SAMD13: variants seen among roughly 807,000 people sequenced by gnomAD.
The protein encoded by SAMD13 is sterile alpha motif domain containing 13.
In SAMD13, 9 loss-of-function variants were observed where a neutral mutation model predicts 12.4. The observed-to-expected ratio is 0.72, with a 90% confidence interval of 0.44 to 1.26. SAMD13 has a LOEUF of 1.26. SAMD13 is among the 50% of genes most tolerant of loss of function. The pLI, the probability that SAMD13 is intolerant of heterozygous loss-of-function variation, is 0.00. For synonymous variants in SAMD13, 46 were observed against 45.4 expected (o/e 1.01, Z -0.05); for missense variants, 84 against 119.6 (o/e 0.70, Z 1.39).
intron 3 of SAMD13, among the ~76,000 whole-genome samples, chr1:84,342,785 CA>C (rs1199314095): frequency 1.3e-5 from 2 of 152,190 alleles, no homozygotes; most frequent in African/African-American, 4.8e-5. Flanking sequence ...CTATTCAGGA[CA>C]TAGGCATGGA....
chr1:84,312,024 G>C (rs574072299), intron 2 of SAMD13, among the ~76,000 whole-genome samples: 1 of 152,142 alleles, frequency 6.6e-6, no homozygotes, highest in Non-Finnish European at 1.5e-5. Context: ...GTATTCTTCA[G>C]GCAATTGTTT....
intron 3 of SAMD13, among the ~76,000 whole-genome samples, chr1:84,337,768 G>A (rs1679332589): frequency 6.6e-6 from 1 of 152,258 alleles, no homozygotes; most frequent in South Asian, 2.1e-4. Context: ...CACATTGTCA[G>A]GGTGCAAATT....
intron 3 of SAMD13, chr1:84,345,350 T>C (rs1570265554): frequency 2.6e-6 from 1 of 392,094 alleles, no homozygotes; most frequent in Non-Finnish European, 5.0e-6. Context: ...TATGAAAGAC[T>C]GAATTGGTGT....
chr1:84,321,209 G>A (rs1678935998), intron 2 of SAMD13, among the ~76,000 whole-genome samples: 1 of 152,062 alleles, frequency 6.6e-6, no homozygotes, highest in Non-Finnish European at 1.5e-5. Flanking sequence ...TCATTTCCTA[G>A]TGTGAATTAT....
At chr1:84,322,187 G>A (rs781560285) in intron 2 of SAMD13, among the ~76,000 whole-genome samples, 1 of 152,106 alleles carries the variant, frequency 6.6e-6, no homozygotes, top group African/African-American at 2.4e-5. Context: ...CCAGATTGCC[G>A]GCTCCTTGAG....
At chr1:84,348,677 T>G (rs760013466) in intron 3 of SAMD13, among the ~76,000 whole-genome samples, 2 of 152,216 alleles carry the variant, frequency 1.3e-5, no homozygotes, top group Admixed American at 6.5e-5. Context: ...GATCCCCATC[T>G]CTTTTGTGAG....
chr1:84,340,562 C>A (rs1679401465), intron 3 of SAMD13, among the ~76,000 whole-genome samples: 1 of 152,094 alleles, frequency 6.6e-6, no homozygotes, highest in Non-Finnish European at 1.5e-5. Flanking sequence ...TGGCATATTT[C>A]ATGTTATATG....
chr1:84,303,979 G>C (rs573012437), intron 2 of SAMD13: 2 of 152,208 alleles, frequency 1.3e-5, no homozygotes, highest in South Asian at 4.2e-4. Context: ...TAAGTACTTT[G>C]ATTACAAGGA....
At chr1:84,322,091 C>T (rs755424353) in intron 2 of SAMD13, among the ~76,000 whole-genome samples, 2 of 152,138 alleles carry the variant, frequency 1.3e-5, no homozygotes, top group Admixed American at 1.3e-4. Context: ...CCCTCCCTTA[C>T]GTAAATACGT....
chr1:84,321,863 C>T (rs1257178843), intron 2 of SAMD13, among the ~76,000 whole-genome samples: 1 of 152,142 alleles, frequency 6.6e-6, no homozygotes, highest in African/African-American at 2.4e-5. Context: ...CAGCTTTCTC[C>T]TTAAAACTGT....
intron 2 of SAMD13, 95 bp downstream of exon 2, chr1:84,303,382 G>C: frequency 1.0e-6 from 1 of 997,844 alleles, no homozygotes; most frequent in Non-Finnish European, 1.5e-6. Context: ...ACAATACACA[G>C]TTTGGGGGTC....
intron 2 of SAMD13, among the ~76,000 whole-genome samples, chr1:84,320,859 T>C (rs968904603): frequency 1.3e-5 from 2 of 152,200 alleles, no homozygotes; most frequent in Non-Finnish European, 2.9e-5. Flanking sequence ...TTGATGAATA[T>C]AATGGAGTTG....
upstream of SAMD13, chr1:84,299,659 A>ATATATT: frequency 1.2e-6 from 1 of 816,966 alleles, no homozygotes; most frequent in East Asian, 4.6e-5. Context: ...GTACTAGTGT[A>ATATATT]TATATATATA....
intron 2 of SAMD13, among the ~76,000 whole-genome samples, chr1:84,317,918 G>A (rs551868836): frequency 3.9e-4 from 59 of 152,006 alleles, no homozygotes; most frequent in Non-Finnish European, 7.4e-4. Flanking sequence ...TCAGTCTGGT[G>A]GGTTGTATGC....
chr1:84,329,470 A>G (rs1679129943), intron 3 of SAMD13, among the ~76,000 whole-genome samples: 1 of 152,160 alleles, frequency 6.6e-6, no homozygotes, highest in Non-Finnish European at 1.5e-5. Context: ...GGCTGTGGCA[A>G]CTAGACTTGG....
At chr1:84,331,074 GT>G (rs1241168917) in intron 3 of SAMD13, among the ~76,000 whole-genome samples, 4 of 152,148 alleles carry the variant, frequency 2.6e-5, no homozygotes, top group African/African-American at 9.6e-5. Flanking sequence ...CTTTGGATAA[GT>G]TTCTGAAGTC....
chr1:84,298,612 C>A, upstream of SAMD13: 1 of 1,275,826 alleles, frequency 7.8e-7, no homozygotes, highest in African/African-American at 1.5e-5. Context: ...AGGCGCCCGC[C>A]CTCTCCTCTC....
Position 84,339,829 on chromosome 1 carries a change from TACTC to T in SAMD13, c.166-9799_166-9796del, listed in dbSNP as rs377050025. Reference sequence around the variant, plus strand: ...TTCTAAGAGAGGAGACATCCAGACTTACTCACATCCAGGAAAGTAGCTAAAAGAA... The same window carrying T: ...TTCTAAGAGAGGAGACATCCAGACTTACATCCAGGAAAGTAGCTAAAAGAA... On this transcript the variant is annotated intron_variant, in intron 3 of 3. Transcript: ENST00000394834. Among the ~76,000 whole-genome samples, 302 of 152,288 alleles carry T rather than the reference TACTC, an allele frequency of 2.0e-3. 4 individuals carry two copies. The highest frequency in any genetic ancestry group is 6.8e-3 in the African/African-American group (284 of 41,560).
chr1:84,328,218 C>T (rs978101622), intron 3 of SAMD13, among the ~76,000 whole-genome samples: 6 of 152,112 alleles, frequency 3.9e-5, no homozygotes, highest in Non-Finnish European at 8.8e-5. Context: ...GCCTGGCCCA[C>T]GAGCAGGCAC....
Sources: allele counts gnomAD v4.1 joint callset (sites outside exome capture counted in the v4.1 genomes callset), GRCh38; gene constraint gnomAD v4.1.1; transcripts MANE v1.5; gene names NCBI Gene and HGNC (gene_info 2026-07-23, HGNC 2026-07-21).